The following PDS5B variants were observed in gnomAD, a reference collection of about 807,000 sequenced individuals.
PDS5B encodes sister chromatid cohesion protein PDS5 homolog B.
PDS5B carries 51 observed loss-of-function variants against 184.1 expected under a neutral mutation model. That is an observed-to-expected ratio of 0.28 (90% confidence interval 0.22 to 0.35). PDS5B has a LOEUF of 0.35. PDS5B is among the 10% of genes least tolerant of loss of function. The probability of loss-of-function intolerance (pLI) is 1.00; values close to 1 mark genes in which losing one functional copy is unlikely to be tolerated. For synonymous variants in PDS5B, 566 were observed against 569.2 expected, an observed-to-expected ratio of 0.99 and a Z score of 0.08; for missense variants, 1,180 against 1,723.3, an observed-to-expected ratio of 0.68 and a Z score of 5.58.
At chr13:32,761,143 G>C (rs1205692918) in intron 30 of PDS5B, among the ~76,000 whole-genome samples, 2 of 152,112 alleles carry the variant, frequency 1.3e-5, no homozygotes, top group Non-Finnish European at 1.5e-5. Flanking sequence ...TTTAAGTTTT[G>C]AAAACAGATT....
chr13:32,678,840 A>T lies in PDS5B; in HGVS notation c.968A>T (p.Asn323Ile). ...GTGCTTTTATATTTTATCAGGTTTA[A>T]TGATATCCATGTACCAATCCGCCTG... is the stretch of plus-strand genomic sequence containing the variant. ...PLWQCYLGRF[N>I]DIHVPIRLEC... is the part of the protein sequence containing the mutation. Residue 323 changes from asparagine to isoleucine, a missense_variant, in exon 10 of 35, where the codon AAT (asparagine) becomes ATT (isoleucine). Transcript: ENST00000315596. 1 of 1,567,916 alleles carries T rather than the reference A, an allele frequency of 6.4e-7. No individual in the cohort carries two copies. Among genetic ancestry groups the T allele is most frequent in the Non-Finnish European group, 8.8e-7 (1 of 1,138,158 alleles).
chr13:32,775,812 G>T lies in PDS5B; in HGVS notation c.*760G>T. On this transcript the variant is annotated 3_prime_UTR_variant, in exon 35 of 35. Transcript: ENST00000315596. ...AAAGTATTTTAATTTTAAAGAGTGT[G>T]TTATAAAATAATGTACTGAATTCTT... 2 of 341,580 alleles carry T rather than the reference G, an allele frequency of 5.9e-6. No homozygotes were observed. The highest frequency in any genetic ancestry group is 4.8e-5 in the South Asian group (2 of 41,368). The allele number at this position is 341,580 out of a possible 1,614,324, so 21.2% of individuals were successfully genotyped here. A position where few individuals can be genotyped will look rare whatever the true frequency, so the allele number is the denominator to read the frequency against.
At chr13:32,732,305 A>T in intron 20 of PDS5B, 81 bp downstream of exon 20, 1 of 912,872 alleles carries the variant, frequency 1.1e-6, no homozygotes, top group Non-Finnish European at 1.7e-6. Flanking sequence ...GAATGTTCAC[A>T]TTTGGTGATG....
At chr13:32,594,307 G>A (rs2057823040) in intron 1 of PDS5B, among the ~76,000 whole-genome samples, 1 of 152,184 alleles carries the variant, frequency 6.6e-6, no homozygotes, top group Admixed American at 6.5e-5. Flanking sequence ...CATAGTTTTA[G>A]AGAATGCAAA....
chr13:32,735,678 T>C (rs1953306097), intron 21 of PDS5B, among the ~76,000 whole-genome samples: 1 of 152,176 alleles, frequency 6.6e-6, no homozygotes, highest in South Asian at 2.1e-4. Context: ...GTCATGATTA[T>C]AGTTTTACCT....
intron 29 of PDS5B, among the ~76,000 whole-genome samples, chr13:32,760,008 G>C (rs1300477014): frequency 6.6e-6 from 1 of 152,010 alleles, no homozygotes; most frequent in Non-Finnish European, 1.5e-5. Context: ...CCAGGCTGGA[G>C]TGCAGTGGCG....
intron 24 of PDS5B, 44 bp downstream of exon 24, chr13:32,746,144 C>A: frequency 6.4e-7 from 1 of 1,557,094 alleles, no homozygotes; most frequent in Non-Finnish European, 8.8e-7. Context: ...AGGTCTTTGA[C>A]TTTTAGGAAG....
chr13:32,613,585 C>A (rs1274887549), intron 1 of PDS5B, among the ~76,000 whole-genome samples: 1 of 152,130 alleles, frequency 6.6e-6, no homozygotes, highest in Non-Finnish European at 1.5e-5. Context: ...TAAATTGGGT[C>A]ATCTTTTTAC....
Position 32,710,093 on chromosome 13 carries a change from C to A in PDS5B, c.2110C>A (p.Pro704Thr). 2.0e-6 allele frequency: 3 copies of A among 1,516,194 alleles called. No individual in the cohort carries two copies. Among genetic ancestry groups the A allele is most frequent in the East Asian group, 2.3e-5 (1 of 42,884 alleles). The allele number at this position is 1,516,194 out of a possible 1,614,324, so 93.9% of individuals were successfully genotyped here. A position where few individuals can be genotyped will look rare whatever the true frequency, so the allele number is the denominator to read the frequency against. ...AGGAAGCAAAATTGAAGAGGATTTTCCACACATCAGATCGTGAGTTGAGTT... is the reference window on the plus strand; with the variant it reads ...AGGAAGCAAAATTGAAGAGGATTTTACACACATCAGATCGTGAGTTGAGTT... ...NTGSKIEEDF[P>T]HIRSALLPVL... Residue 704 changes from proline to threonine, a missense_variant, in exon 19 of 35, where the codon CCA becomes ACA. Pro to Thr is a conservative substitution (Grantham distance 38, BLOSUM62 -1). Around this residue, in one of 11 missense-constraint regions of PDS5B, gnomAD observed 475 missense variants for 691.5 expected, o/e 0.69. Transcript: ENST00000315596.
chr13:32,771,822 C>A (rs1006134424), intron 33 of PDS5B, among the ~76,000 whole-genome samples: 4 of 151,870 alleles, frequency 2.6e-5, no homozygotes, highest in Non-Finnish European at 5.9e-5. Flanking sequence ...AAGGAAATAA[C>A]AAACCTCATA....
intron 23 of PDS5B, among the ~76,000 whole-genome samples, chr13:32,743,500 A>T (rs1227966653): frequency 2.0e-5 from 3 of 152,160 alleles, no homozygotes; most frequent in African/African-American, 7.2e-5. Flanking sequence ...TCCTCTGTGT[A>T]AACCAAGTGC....
chr13:32,669,483 T>A (rs1306564841), intron 7 of PDS5B, among the ~76,000 whole-genome samples: 1 of 152,208 alleles, frequency 6.6e-6, no homozygotes, highest in African/African-American at 2.4e-5. Flanking sequence ...AGGTTCGTTA[T>A]ACTGTTCTCT....
At chr13:32,753,578 C>T (rs1296070277) in intron 25 of PDS5B, 42 bp downstream of exon 25, 3 of 1,389,328 alleles carry the variant, frequency 2.2e-6, no homozygotes, top group Non-Finnish European at 3.0e-6. Context: ...TTTCAGCCTG[C>T]TAGTTTCAGT....
chr13:32,694,414 T>A, intron 14 of PDS5B, 110 bp downstream of exon 14: 1 of 731,408 alleles, frequency 1.4e-6, no homozygotes, highest in Non-Finnish European at 2.3e-6. Flanking sequence ...AAAGTTCTGA[T>A]TGTAGAAGTT....
At chr13:32,758,052 T>G (rs1954249839) in intron 26 of PDS5B, 35 bp from the exon 27 acceptor site, 1 of 971,166 alleles carries the variant, frequency 1.0e-6, no homozygotes, top group South Asian at 2.2e-5. Context: ...GATGATTTTC[T>G]TCTATATTTC....
intron 1 of PDS5B, among the ~76,000 whole-genome samples, chr13:32,592,111 GTCTCATCACT>G (rs1356317945): frequency 6.6e-6 from 1 of 152,088 alleles, no homozygotes; most frequent in Non-Finnish European, 1.5e-5. Context: ...TGCTTATCCT[GTCTCATCACT>G]TCTCCCTCCC....
At chr13:32,587,813 A>G (rs1416042695) in intron 1 of PDS5B, among the ~76,000 whole-genome samples, 1 of 152,246 alleles carries the variant, frequency 6.6e-6, no homozygotes, top group African/African-American at 2.4e-5. Flanking sequence ...GACTGATCCT[A>G]CCCTGTTGAT....
At chr13:32,710,974 CATT>C (rs1449742079) in intron 19 of PDS5B, among the ~76,000 whole-genome samples, 4 of 151,946 alleles carry the variant, frequency 2.6e-5, no homozygotes, top group Admixed American at 2.0e-4. Flanking sequence ...AGAACAAAGG[CATT>C]ATTATTATTT....
chr13:32,716,738 A>C (rs1414858708), intron 19 of PDS5B, among the ~76,000 whole-genome samples: 2 of 110,828 alleles, frequency 1.8e-5, no homozygotes, highest in Non-Finnish European at 1.9e-5. Flanking sequence ...AGCCGCCCCT[A>C]CTGGGAAGTG....
Sources: gnomAD v4.1 joint callset for allele counts (sites outside exome capture counted in the v4.1 genomes callset) on GRCh38, gnomAD v4.1.1 for gene constraint, gnomAD v4.1.1 regional missense constraint, MANE v1.5 for transcripts, NCBI Gene and HGNC (gene_info 2026-07-23, HGNC 2026-07-21) for gene names.